TOP2A: variants seen among roughly 807,000 people sequenced by gnomAD.
TOP2A encodes the protein DNA topoisomerase 2-alpha.
TOP2A carries 68 observed loss-of-function variants against 187.2 expected under a neutral mutation model. The observed-to-expected ratio is 0.36, with a 90% CI of 0.30 to 0.44. The LOEUF (loss-of-function observed/expected upper bound fraction) is 0.44. Ranked by LOEUF, TOP2A falls within the 20% of genes least tolerant of loss-of-function variation. The pLI is 1.00. For missense variants in TOP2A, 1,196 were observed against 1,808.7 expected, an observed-to-expected ratio of 0.66 and a Z score of 6.14; for synonymous variants, 542 against 593.2, an observed-to-expected ratio of 0.91 and a Z score of 1.25.
In TOP2A at chr17:40,396,436, T is replaced by G. The variant is rs1431685054; in HGVS notation, c.3567A>C (p.Glu1189Asp). The change falls in exon 28 of 35, where the codon GAA (glutamate) becomes GAC (aspartate). Residue 1189 changes from glutamate to aspartate, a missense_variant. Transcript: ENST00000423485. ...CCCCTTTCCCAGGAAGTCCGACTTGTTCATCTTGTTTTTCCTTGGCTTCAA... is the reference window on the plus strand; with the variant it reads ...CCCCTTTCCCAGGAAGTCCGACTTGGTCATCTTGTTTTTCCTTGGCTTCAA... The part of the protein sequence containing the change: ...EAVEAKEKQD[E>D]QVGLPGKGGK... 1 of 1,613,908 alleles carries G rather than the reference T, an allele frequency of 6.2e-7. No individual in the cohort carries two copies. Among genetic ancestry groups the G allele is most frequent in the Admixed American group, 1.7e-5 (1 of 60,000 alleles).
chr17:40,416,418 T>A lies in TOP2A; in HGVS notation c.268+4A>T. On this transcript the variant is annotated splice_donor_region_variant and intron_variant, in intron 3 of 34. Coordinates refer to ENST00000423485, the MANE Select transcript of TOP2A (RefSeq NM_001067.4). ...CAGATCTTTATATTAAAGGATTTAC[T>A]CACCTAGAATCTCATCAAAGATTTT... The A allele has an allele frequency of 6.5e-7, 1 of 1,540,404 alleles. No homozygotes were observed. Among genetic ancestry groups the A allele is most frequent in the Non-Finnish European group, 8.9e-7 (1 of 1,128,074 alleles).
chr17:40,411,391 T>C lies in TOP2A; in HGVS notation c.1028A>G (p.Lys343Arg). 1 of 1,613,870 alleles carries C rather than the reference T, an allele frequency of 6.2e-7. No individual in the cohort carries two copies. Among genetic ancestry groups the C allele is most frequent in the Non-Finnish European group, 8.5e-7 (1 of 1,179,848 alleles). The change falls in exon 9 of 35, where the codon AAG (lysine) becomes AGG (arginine). Residue 343 changes from lysine (K) to arginine (R), a missense_variant. Coordinates refer to ENST00000423485, the MANE Select transcript of TOP2A (RefSeq NM_001067.4). This position sits in a 1 kb window ranked among gnomAD's most constrained non-coding sequence, Gnocchi z 4.4. ...IVTKLVDVVK[K>R]KNKGGVAVKA... Reference sequence around the variant, plus strand: ...TACTGCAACACCACCCTTGTTCTTCTTCTTCACAACATCAACAAGTTTAGT... The same window carrying C: ...TACTGCAACACCACCCTTGTTCTTCCTCTTCACAACATCAACAAGTTTAGT...
In TOP2A at chr17:40,406,910, C is replaced by T. The variant is rs1016510807; in HGVS notation, c.1659G>A (p.Leu553=). Residue 553 remains leucine (L), a synonymous_variant, in exon 14 of 35, where the codon CTG becomes CTA. Coordinates refer to ENST00000423485, the MANE Select transcript of TOP2A (RefSeq NM_001067.4). ...DQDGSHIKGL[L]INFIHHNWPS... ...GCCAGTTGTGATGGATAAAATTAATCAGCAAGCCTTTGATGTGGGAACCAT... is the reference window on the plus strand; with the variant it reads ...GCCAGTTGTGATGGATAAAATTAATTAGCAAGCCTTTGATGTGGGAACCAT... 6.2e-7 allele frequency: 1 copy of T among 1,603,660 alleles called. No individual in the cohort carries two copies. Among genetic ancestry groups the T allele is most frequent in the East Asian group, 2.2e-5 (1 of 44,694 alleles).
intron 12 of TOP2A, 28 bp from the exon 13 acceptor site, chr17:40,407,702 A>G (rs1312124979): frequency 1.3e-6 from 2 of 1,540,708 alleles, no homozygotes; most frequent in Non-Finnish European, 1.7e-6. Context: ...CAAAAAAAGC[A>G]TCGTTTATAA....
intron 27 of TOP2A, among the ~76,000 whole-genome samples, chr17:40,397,852 C>T (rs1317345418): frequency 6.7e-6 from 1 of 149,396 alleles, no homozygotes; most frequent in Admixed American, 6.7e-5. Flanking sequence ...GATCTTAGCT[C>T]ACAGCAACAT....
chr17:40,399,836 G>T (rs763492501), intron 24 of TOP2A, 36 bp downstream of exon 24: 2 of 1,530,014 alleles, frequency 1.3e-6, no homozygotes, highest in Admixed American at 4.6e-5. Context: ...GGCGTAACTA[G>T]AGTTTTAGTA....
At chr17:40,408,941 T>C (rs1183503925) in intron 10 of TOP2A, 2 of 470,230 alleles carry the variant, frequency 4.3e-6, no homozygotes, top group East Asian at 1.2e-4. Context: ...ACGCCTATAA[T>C]CCCAGCACTT....
intron 31 of TOP2A, 50 bp from the exon 32 acceptor site, chr17:40,392,161 A>G (rs2143622386): frequency 6.2e-6 from 10 of 1,611,294 alleles, no homozygotes; most frequent in Non-Finnish European, 7.6e-6. Context: ...TGTGTCAAGC[A>G]AAAAACAATA....
At chr17:40,403,153 G>A (rs1350159022) in intron 19 of TOP2A, 99 bp from the exon 20 acceptor site, 4 of 1,148,422 alleles carry the variant, frequency 3.5e-6, no homozygotes, top group Non-Finnish European at 4.8e-6. Flanking sequence ...GTGAGGTCTA[G>A]TTGTTTAGTG....
chr17:40,408,771 G>A (rs971635085), intron 10 of TOP2A, 141 bp from the exon 11 acceptor site: 5 of 913,310 alleles, frequency 5.5e-6, no homozygotes, highest in African/African-American at 3.3e-5. Context: ...CTGGATAGAG[G>A]GTGGCACATC....
chr17:40,393,509 G>A (rs893095320), intron 29 of TOP2A, among the ~76,000 whole-genome samples: 5 of 151,944 alleles, frequency 3.3e-5, no homozygotes, highest in African/African-American at 1.2e-4. Context: ...CTCAAAAAAA[G>A]TAGATACTCA....
At chr17:40,413,691 A>ATTTAAATATT in intron 4 of TOP2A, 66 bp from the exon 5 acceptor site, 1 of 788,006 alleles carries the variant, frequency 1.3e-6, no homozygotes. Context: ...ATTTAAAAAT[A>ATTTAAATATT]TTTAAATACT....
At chr17:40,408,731 A>G (rs1211824333) in intron 10 of TOP2A, 101 bp from the exon 11 acceptor site, 2 of 1,272,300 alleles carry the variant, frequency 1.6e-6, no homozygotes, top group Admixed American at 3.6e-5. Flanking sequence ...AAAATGATTC[A>G]AAAATTAAAA....
rs774298793 is a variant in TOP2A at position 40,392,345 on chromosome 17, G to A, written c.3965-4C>T. On this transcript the variant is annotated splice_polypyrimidine_tract_variant and splice_region_variant and intron_variant, in intron 30 of 34. Coordinates refer to ENST00000423485, the MANE Select transcript of TOP2A (RefSeq NM_001067.4). ...TCCATTGTGAATTTTGTTTTTGCTA[G>A]TAAAAAAACCATATACAAAAAAATC... 36 of 1,579,078 alleles carry A rather than the reference G, an allele frequency of 2.3e-5. No homozygotes were observed. Among genetic ancestry groups the A allele is most frequent in the East Asian group, 4.6e-5 (2 of 43,824 alleles).
Position 40,411,286 on chromosome 17 carries a change from C to T in TOP2A, c.1066-40G>A. The T allele has an allele frequency of 1.2e-6, 2 of 1,612,204 alleles. No individual in the cohort carries two copies. Among genetic ancestry groups the T allele is most frequent in the South Asian group, 1.1e-5 (1 of 90,642 alleles). Reference sequence around the variant, plus strand: ...GATATTAAGCCACTAAAAATGTACTCATGCTTTATTTATAGCCTTTCTCTT... The same window carrying T: ...GATATTAAGCCACTAAAAATGTACTTATGCTTTATTTATAGCCTTTCTCTT... On this transcript the variant is annotated intron_variant, in intron 9 of 34. Transcript: ENST00000423485. This position sits in a 1 kb window ranked among gnomAD's most constrained non-coding sequence, Gnocchi z 4.4.
chr17:40,405,807 C>T (rs1398322611), intron 16 of TOP2A, among the ~76,000 whole-genome samples: 1 of 150,588 alleles, frequency 6.6e-6, no homozygotes, highest in Non-Finnish European at 1.5e-5. Flanking sequence ...CACTCTGTTG[C>T]CCAGGCTGGA....
chr17:40,403,854 G>A (rs2035209833), intron 19 of TOP2A, among the ~76,000 whole-genome samples: 1 of 152,124 alleles, frequency 6.6e-6, no homozygotes, highest in African/African-American at 2.4e-5. Context: ...ATGCATACAT[G>A]TGTCACAATT....
intron 1 of TOP2A, 62 bp from the exon 2 acceptor site, chr17:40,416,957 A>G (rs2035397173): frequency 5.7e-6 from 8 of 1,412,968 alleles, no homozygotes; most frequent in Non-Finnish European, 7.6e-6. Context: ...ACCCTAAACT[A>G]GGAACAAAAT....
rs374189262 is a variant in TOP2A, at chr17:40,392,684, T to C, written c.3865A>G (p.Lys1289Glu). 2.0e-4 allele frequency: 317 copies of C among 1,613,290 alleles called. No individual in the cohort carries two copies. The Middle Eastern group carries it at 4.8e-3, about 24-fold the overall frequency. ...GAATCAGACCAGGGATTTCTCTTCTTTCCTTTTTTGATTGGCTTAAATGCC... is the reference window on the plus strand; with the variant it reads ...GAATCAGACCAGGGATTTCTCTTCTCTCCTTTTTTGATTGGCTTAAATGCC... ...TLAFKPIKKG[K>E]KRNPWSDSES... Residue 1289 changes from lysine to glutamate, a missense_variant, in exon 30 of 35, where the codon AAG becomes GAG. By Grantham distance (56) the Lys-to-Glu change is moderately conservative. Around this residue, in one of 10 missense-constraint regions of TOP2A, gnomAD observed 374 missense variants for 403.3 expected, o/e 0.93. Transcript: ENST00000423485.
Sources: allele counts gnomAD v4.1 joint callset (sites outside exome capture counted in the v4.1 genomes callset), GRCh38; gene constraint gnomAD v4.1.1; regional missense constraint gnomAD v4.1.1; non-coding constraint Gnocchi (gnomAD v3.1); transcripts MANE v1.5; gene names NCBI Gene and HGNC (gene_info 2026-07-23, HGNC 2026-07-21).